Variants in AGMO observed in about 807,000 individuals in gnomAD.
AGMO encodes the protein alkylglycerol monooxygenase.
AGMO carries 75 observed loss-of-function variants against 60.2 expected under a neutral mutation model. The ratio of observed to expected loss-of-function variants is 1.25; its 90% CI spans 1.03 to 1.51. AGMO has a LOEUF of 1.51. AGMO is among the 40% of genes most tolerant of loss of function. AGMO has a pLI of 0.00. For synonymous variants in AGMO, 261 were observed against 177.1 expected, an observed-to-expected ratio of 1.47 and a Z score of -3.76; for missense variants, 763 against 525.5, an observed-to-expected ratio of 1.45 and a Z score of -4.42.
intron 12 of AGMO, among the ~76,000 whole-genome samples, chr7:15,299,059 T>C (rs1436099381): frequency 6.6e-6 from 1 of 152,112 alleles, no homozygotes; most frequent in Non-Finnish European, 1.5e-5. Context: ...TTGAAATTCA[T>C]CTCTAGCCAC....
chr7:15,122,682 A>C, the AGMO span, among the ~76,000 whole-genome samples: 2 of 152,090 alleles, frequency 1.3e-5, no homozygotes, highest in Non-Finnish European at 2.9e-5. Flanking sequence ...TTTCTCTAAC[A>C]GTCACATCCA....
chr7:15,295,140 T>C (rs920442098), intron 12 of AGMO, among the ~76,000 whole-genome samples: 1 of 151,886 alleles, frequency 6.6e-6, no homozygotes, highest in Non-Finnish European at 1.5e-5. Context: ...ATAAAATTAA[T>C]AGCTACACAA....
chr7:15,354,950 TG>T (rs1221100059), intron 12 of AGMO, among the ~76,000 whole-genome samples: 18 of 152,164 alleles, frequency 1.2e-4, no homozygotes, highest in Admixed American at 4.6e-4. Flanking sequence ...TCTGGGACTA[TG>T]CTAGGATGAA....
rs972563040 is a variant in AGMO, at chr7:15,273,525, C to A, written c.1264-72166G>T. 5.3e-5 allele frequency among the ~76,000 whole-genome samples: 8 copies of A among 152,102 alleles called. No homozygotes were observed. The East Asian group carries it at 1.2e-3, about 22-fold the overall frequency. On this transcript the variant is annotated intron_variant, in intron 12 of 12. Coordinates refer to ENST00000342526, the MANE Select transcript of AGMO (RefSeq NM_001004320.2). ...TACCATGCTGTTTTGGTTACTGTAGCCTTGTAGTATAGTTTGAAGTCAGGT... is the reference window on the plus strand; with the variant it reads ...TACCATGCTGTTTTGGTTACTGTAGACTTGTAGTATAGTTTGAAGTCAGGT...
At chr7:15,434,580 G>T (rs1781346376) in intron 3 of AGMO, among the ~76,000 whole-genome samples, 1 of 152,086 alleles carries the variant, frequency 6.6e-6, no homozygotes, top group Non-Finnish European at 1.5e-5. Flanking sequence ...AAGCTCCTCA[G>T]TCCAAGCCTC....
intron 12 of AGMO, among the ~76,000 whole-genome samples, chr7:15,350,421 G>A (rs1782198385): frequency 6.6e-6 from 1 of 152,132 alleles, no homozygotes; most frequent in African/African-American, 2.4e-5. Flanking sequence ...CATGAGAGAT[G>A]ATGATGCCAC....
chr7:15,345,198 T>G (rs1781987730), intron 12 of AGMO, among the ~76,000 whole-genome samples: 1 of 152,206 alleles, frequency 6.6e-6, no homozygotes, highest in African/African-American at 2.4e-5. Flanking sequence ...CAAGCTCAAG[T>G]GCACTGTATA....
At chr7:15,373,803 A>G (rs76198042) in intron 10 of AGMO, among the ~76,000 whole-genome samples, 1 of 152,320 alleles carries the variant, frequency 6.6e-6, no homozygotes, top group South Asian at 2.1e-4. Flanking sequence ...TTTTCTTATT[A>G]AAACAAGTTG....
rs374315995 is a variant in AGMO, at chr7:15,243,552, T to G, written c.1264-42193A>C. Among the ~76,000 whole-genome samples, 7 of 152,270 alleles carry G rather than the reference T, an allele frequency of 4.6e-5. No individual in the cohort carries two copies. The East Asian group carries it at 7.7e-4, about 17-fold the overall frequency. On this transcript the variant is annotated intron_variant, in intron 12 of 12. Transcript: ENST00000342526. ...CACTTGACACTAAGCTGAGATGAGT[T>G]TGCATGATCGTGGCTGGAGAGTTTC...
intron 12 of AGMO, among the ~76,000 whole-genome samples, chr7:15,281,981 C>T (rs1429770946): frequency 6.6e-6 from 1 of 152,016 alleles, no homozygotes; most frequent in Non-Finnish European, 1.5e-5. Flanking sequence ...AGGGTCTTGA[C>T]CTCTGAAAGC....
chr7:15,539,653 A>G (rs964910250), intron 3 of AGMO, among the ~76,000 whole-genome samples: 1 of 152,148 alleles, frequency 6.6e-6, no homozygotes, highest in Non-Finnish European at 1.5e-5. Context: ...TTGGGCATAT[A>G]CTCAATAACT....
the AGMO span, among the ~76,000 whole-genome samples, chr7:15,141,466 C>A: frequency 6.6e-6 from 1 of 151,756 alleles, no homozygotes; most frequent in South Asian, 2.1e-4. Flanking sequence ...GCCTGTAGTC[C>A]CCCCAGCTAC....
At chr7:15,127,714 T>G in the AGMO span, among the ~76,000 whole-genome samples, 32 of 152,266 alleles carry the variant, frequency 2.1e-4, no homozygotes, top group African/African-American at 7.7e-4. Context: ...GATTTTATAT[T>G]TCTATTTAAG....
At chr7:15,179,913 T>C in the AGMO span, among the ~76,000 whole-genome samples, 3 of 152,150 alleles carry the variant, frequency 2.0e-5, no homozygotes, top group Admixed American at 6.5e-5. Flanking sequence ...CATGGCTGGA[T>C]TGCCACAGGG....
intron 12 of AGMO, among the ~76,000 whole-genome samples, chr7:15,283,460 G>C (rs1203458482): frequency 1.3e-5 from 2 of 151,584 alleles, no homozygotes; most frequent in Non-Finnish European, 2.9e-5. Flanking sequence ...AAAAGACATG[G>C]AAGAAACAAC....
intron 12 of AGMO, among the ~76,000 whole-genome samples, chr7:15,292,328 C>G (rs1259186381): frequency 1.3e-5 from 2 of 152,084 alleles, no homozygotes; most frequent in African/African-American, 4.8e-5. Flanking sequence ...GTTGAGAGCT[C>G]CCTTGGTGAT....
intron 12 of AGMO, among the ~76,000 whole-genome samples, chr7:15,300,976 T>C (rs964593497): frequency 2.6e-5 from 4 of 152,168 alleles, no homozygotes; most frequent in Non-Finnish European, 5.9e-5. Flanking sequence ...CTCTCTTAAA[T>C]AGACACACAC....
chr7:15,444,522 TG>T (rs1488478653), intron 3 of AGMO, among the ~76,000 whole-genome samples: 1 of 152,212 alleles, frequency 6.6e-6, no homozygotes, highest in Non-Finnish European at 1.5e-5. Context: ...TAGATGCCGT[TG>T]TATTTGAACT....
At chr7:15,351,092 G>T (rs1782227632) in intron 12 of AGMO, among the ~76,000 whole-genome samples, 1 of 152,124 alleles carries the variant, frequency 6.6e-6, no homozygotes, top group Non-Finnish European at 1.5e-5. Context: ...GAAAATTGCA[G>T]TATAGTTTAG....
Sources: allele counts gnomAD v4.1 joint callset (sites outside exome capture counted in the v4.1 genomes callset), GRCh38; gene constraint gnomAD v4.1.1; transcripts MANE v1.5; gene names NCBI Gene and HGNC (gene_info 2026-07-23, HGNC 2026-07-21).